FBXW7: variants seen among roughly 807,000 people sequenced by gnomAD.
FBXW7 encodes F-box and WD repeat domain containing 7.
Under a neutral mutation model 86.3 loss-of-function variants are expected in FBXW7, and 11 were observed. That is an observed-to-expected ratio of 0.13 (90% CI 0.08 to 0.21). The LOEUF is 0.21. FBXW7 is among the 10% of genes least tolerant of loss of function. FBXW7 has a pLI of 1.00. For missense variants in FBXW7, 488 were observed against 847.4 expected (o/e 0.58, Z 5.27); for synonymous variants, 313 against 297.9 (o/e 1.05, Z -0.52).
At chr4:152,474,725 G>A (rs1323942772) in intron 2 of FBXW7, among the ~76,000 whole-genome samples, 1 of 152,124 alleles carries the variant, frequency 6.6e-6, no homozygotes, top group Non-Finnish European at 1.5e-5. Context: ...GAGTGCAATA[G>A]TATAATCTTG....
chr4:152,326,272 ACCCACG>A (rs1404286644), intron 11 of FBXW7, 41 bp from the exon 12 acceptor site: 1 of 1,520,140 alleles, frequency 6.6e-7, no homozygotes, highest in South Asian at 1.2e-5. Flanking sequence ...AAACAAAAAA[ACCCACG>A]TTTAGAATTT....
intron 2 of FBXW7, among the ~76,000 whole-genome samples, chr4:152,417,722 C>T (rs1738569222): frequency 6.6e-6 from 1 of 152,066 alleles, no homozygotes; most frequent in South Asian, 2.1e-4. Flanking sequence ...GCAGTGGCCA[C>T]AGTGGTACCC....
chr4:152,355,348 T>C (rs901136377), intron 4 of FBXW7, among the ~76,000 whole-genome samples: 1 of 152,226 alleles, frequency 6.6e-6, no homozygotes, highest in African/African-American at 2.4e-5. Flanking sequence ...CATTTTAAAC[T>C]TTAGATCAGT....
At chr4:152,415,043 T>C (rs976717049) in intron 2 of FBXW7, among the ~76,000 whole-genome samples, 3 of 152,144 alleles carry the variant, frequency 2.0e-5, no homozygotes, top group Non-Finnish European at 4.4e-5. Flanking sequence ...ACCTTGTTTT[T>C]CAAAAAGACC....
chr4:152,533,689 TCTGA>T (rs780899315), intron 2 of FBXW7, among the ~76,000 whole-genome samples: 11 of 152,214 alleles, frequency 7.2e-5, no homozygotes, highest in Non-Finnish European at 1.0e-4. Flanking sequence ...AAACACAAAC[TCTGA>T]CTGTGTCCTG....
intron 6 of FBXW7, among the ~76,000 whole-genome samples, chr4:152,339,413 A>G (rs1730486295): frequency 6.6e-6 from 1 of 152,232 alleles, no homozygotes; most frequent in African/African-American, 2.4e-5. Context: ...AACTTCAAAC[A>G]CTGGTTTAAA....
At chr4:152,380,784 C>T (rs1426794216) in intron 4 of FBXW7, among the ~76,000 whole-genome samples, 1 of 151,636 alleles carries the variant, frequency 6.6e-6, no homozygotes, top group Non-Finnish European at 1.5e-5. Context: ...ACATCTTAAC[C>T]CTTTAATTTT....
chr4:152,323,439 T>C (rs1450781411), intron 13 of FBXW7: 3 of 434,318 alleles, frequency 6.9e-6, no homozygotes, highest in African/African-American at 6.0e-5. Context: ...CAGCATTCCT[T>C]GGTGAGGATG....
chr4:152,438,790 T>C (rs1278202915), intron 2 of FBXW7, among the ~76,000 whole-genome samples: 1 of 152,194 alleles, frequency 6.6e-6, no homozygotes, highest in African/African-American at 2.4e-5. Flanking sequence ...ATGGGAGATG[T>C]GCGTGGACTT....
chr4:152,515,917 C>T (rs1469626151), intron 2 of FBXW7, among the ~76,000 whole-genome samples: 4 of 152,182 alleles, frequency 2.6e-5, no homozygotes, highest in African/African-American at 9.7e-5. Context: ...AACTTGGCCA[C>T]ATGGCAAGAA....
rs1254644663 is a variant in FBXW7, at chr4:152,535,712, G to C, written c.-798C>G. 1 of 395,496 alleles carries C rather than the reference G, an allele frequency of 2.5e-6. No homozygotes were observed. The highest frequency in any genetic ancestry group is 2.1e-5 in the African/African-American group (1 of 48,432). 24.5% of individuals were successfully genotyped at this position (395,496 alleles called of 1,614,324 possible). On this transcript the variant is annotated 5_prime_UTR_variant, in exon 1 of 14. Coordinates refer to ENST00000281708, the MANE Select transcript of FBXW7 (RefSeq NM_001349798.2). ...CTCGCCCCACGCCCCACGGGACGAG[G>C]CAGAAGCTCTGGCGCCTCCTCAGCG...
chr4:152,444,284 A>G (rs1741173635), intron 2 of FBXW7, among the ~76,000 whole-genome samples: 1 of 151,708 alleles, frequency 6.6e-6, no homozygotes, highest in Non-Finnish European at 1.5e-5. Context: ...TCTTCCCCAT[A>G]TAACATTTTA....
chr4:152,521,037 T>C (rs925812230), intron 2 of FBXW7, among the ~76,000 whole-genome samples: 1 of 151,920 alleles, frequency 6.6e-6, no homozygotes, highest in Non-Finnish European at 1.5e-5. Flanking sequence ...ATAGAACTTA[T>C]TTAAAAGCTT....
intron 2 of FBXW7, among the ~76,000 whole-genome samples, chr4:152,446,724 C>A (rs1189031501): frequency 6.6e-6 from 1 of 152,196 alleles, no homozygotes; most frequent in Non-Finnish European, 1.5e-5. Context: ...GTAGTCAACA[C>A]TCTGGTGTTT....
chr4:152,346,836 G>A (rs1731311093), intron 6 of FBXW7, 94 bp downstream of exon 6: 7 of 1,519,112 alleles, frequency 4.6e-6, no homozygotes, highest in Non-Finnish European at 6.3e-6. Flanking sequence ...AGTATACTAT[G>A]TAACAGTGTT....
chr4:152,486,859 T>G (rs1295178322), intron 2 of FBXW7, among the ~76,000 whole-genome samples: 2 of 152,176 alleles, frequency 1.3e-5, no homozygotes, highest in East Asian at 1.9e-4. Flanking sequence ...CACAGTAGAT[T>G]TGACTTACAC....
chr4:152,405,734 C>A (rs1337376011), intron 4 of FBXW7, among the ~76,000 whole-genome samples: 1 of 152,082 alleles, frequency 6.6e-6, no homozygotes, highest in African/African-American at 2.4e-5. Flanking sequence ...AAAAGAGAGA[C>A]TAAGTGATCA....
At chr4:152,362,821 T>A (rs1422588187) in intron 4 of FBXW7, among the ~76,000 whole-genome samples, 7 of 98,300 alleles carry the variant, frequency 7.1e-5, no homozygotes, top group Admixed American at 6.3e-4. Context: ...AGTGAAACTC[T>A]CTCTCTCAAA....
At chr4:152,513,436 C>G (rs1748169449) in intron 2 of FBXW7, among the ~76,000 whole-genome samples, 2 of 151,996 alleles carry the variant, frequency 1.3e-5, no homozygotes, top group Non-Finnish European at 1.5e-5. Flanking sequence ...CACAGAGACC[C>G]TATTGGAGGA....
Sources: gnomAD v4.1 joint callset for allele counts (sites outside exome capture counted in the v4.1 genomes callset) on GRCh38, gnomAD v4.1.1 for gene constraint, MANE v1.5 for transcripts, NCBI Gene and HGNC (gene_info 2026-07-23, HGNC 2026-07-21) for gene names.